UFL1: variants seen among roughly 807,000 people sequenced by gnomAD.
UFL1 encodes the protein E3 UFM1-protein ligase 1.
A neutral mutation model predicts 99.3 loss-of-function variants in UFL1; 78 were observed. That is an observed-to-expected ratio of 0.79 (90% confidence interval 0.65 to 0.95). The LOEUF is 0.95. Among genes scored for constraint, UFL1 ranks in the 40% least tolerant of loss-of-function variants. UFL1 has a pLI of 0.00. For missense variants in UFL1, 936 were observed against 937.0 expected (o/e 1.00, Z 0.01); for synonymous variants, 335 against 322.2 (o/e 1.04, Z -0.42).
chr6:96,522,105 GT>G (rs1402849546), intron 1 of UFL1, among the ~76,000 whole-genome samples, 155 bp downstream of exon 1: 2 of 152,286 alleles, frequency 1.3e-5, no homozygotes, highest in African/African-American at 4.8e-5. Context: ...CTGGATCGCA[GT>G]TCCAAGTCCA....
At chr6:96,524,008 T>G (rs1769664670) in intron 2 of UFL1, among the ~76,000 whole-genome samples, 1 of 152,122 alleles carries the variant, frequency 6.6e-6, no homozygotes, top group Non-Finnish European at 1.5e-5. Flanking sequence ...AGCCTACCTT[T>G]TAGTATCAAA....
Position 96,553,290 on chromosome 6 carries a change from G to C in UFL1, c.2172G>C (p.Gln724His). Residue 724 changes from glutamine (Q) to histidine (H), a missense_variant, in exon 19 of 19, where the codon CAG (glutamine) becomes CAC (histidine). Physicochemically the swap from Gln to His is conservative, Grantham distance 24. Coordinates refer to ENST00000369278, the MANE Select transcript of UFL1 (RefSeq NM_015323.5). ...TTTTCTTTCCCTTTTCACAGGATCA[G>C]CATGCTCTTTTGGTAAAGTATCAAG... ...AFLNSKIPED[Q>H]HALLVKYQGL... The C allele has an allele frequency of 7.4e-6, 12 of 1,612,934 alleles. No individual in the cohort carries two copies. The highest frequency in any genetic ancestry group is 9.3e-6 in the Non-Finnish European group (11 of 1,179,464).
At chr6:96,540,428 C>G in intron 10 of UFL1, 107 bp from the exon 11 acceptor site, 1 of 1,375,828 alleles carries the variant, frequency 7.3e-7, no homozygotes, top group Non-Finnish European at 9.7e-7. Context: ...CTCTATAGTT[C>G]TAAGCAACAA....
At chr6:96,545,404 C>G (rs971368428) in intron 12 of UFL1, among the ~76,000 whole-genome samples, 2 of 150,884 alleles carry the variant, frequency 1.3e-5, no homozygotes, top group African/African-American at 4.8e-5. Flanking sequence ...TAGCTGCATA[C>G]AAACTTTCCT....
In UFL1 at chr6:96,553,692, GGGTTCTT is replaced by G; in HGVS notation, c.*190_*196del. The G allele has an allele frequency of 2.3e-6, 1 of 429,320 alleles. No individual in the cohort carries two copies. 26.6% of individuals were successfully genotyped at this position (429,320 alleles called of 1,614,324 possible). A position where few individuals can be genotyped will look rare whatever the true frequency, so the allele number is the denominator to read the frequency against. On this transcript the variant is annotated 3_prime_UTR_variant, in exon 19 of 19. Coordinates refer to ENST00000369278, the MANE Select transcript of UFL1 (RefSeq NM_015323.5). ...AAAAAGATGTGAATTTTTGTAAATT[GGGTTCTT>G]CATGGAAGTTTTTTTCCACCTGATT...
rs1378510737 is a variant in UFL1, at chr6:96,551,906, A to C, written c.1968A>C (p.Gly656=). The change falls in exon 17 of 19, where the codon GGA becomes GGC. Residue 656 remains glycine (G), a synonymous_variant. Transcript: ENST00000369278. ...AEACDIMVKR[G]DKKRERQILF... is the part of the protein sequence containing the mutation. The stretch of plus-strand genomic sequence containing the variant: ...CTTGTGATATTATGGTGAAAAGGGG[A>C]GACAAAAAAAGGGAAAGGTAACATT... 2 of 1,604,780 alleles carry C rather than the reference A, an allele frequency of 1.2e-6. No homozygotes were observed. Among genetic ancestry groups the C allele is most frequent in the South Asian group, 2.2e-5 (2 of 89,984 alleles).
chr6:96,551,368 C>G lies in UFL1; in HGVS notation c.1819-65C>G, dbSNP rs1046762289. 10 of 859,512 alleles carry G rather than the reference C, an allele frequency of 1.2e-5. No homozygotes were observed. The African/African-American group carries it at 1.6e-4, about 14-fold the overall frequency. 53.2% of individuals were successfully genotyped at this position (859,512 alleles called of 1,614,324 possible). On this transcript the variant is annotated intron_variant, in intron 15 of 18. Transcript: ENST00000369278. ...GGAACTTGTTACAGTATTTTTTTCA[C>G]TTTATCTTATATCCATTGCATGTCA...
chr6:96,543,952 C>T (rs1769965616), intron 12 of UFL1, among the ~76,000 whole-genome samples: 1 of 151,006 alleles, frequency 6.6e-6, no homozygotes, highest in Non-Finnish European at 1.5e-5. Context: ...TTTTCCTATA[C>T]ATTTATAACC....
chr6:96,536,379 A>G lies in UFL1; in HGVS notation c.791A>G (p.Asn264Ser). 6.2e-7 allele frequency: 1 copy of G among 1,601,804 alleles called. No homozygotes were observed. The highest frequency in any genetic ancestry group is 8.5e-7 in the Non-Finnish European group (1 of 1,172,282). The change falls in exon 8 of 19, where the codon AAT becomes AGT. Residue 264 changes from asparagine (N) to serine (S), a missense_variant. Physicochemically the swap from Asn to Ser is conservative, Grantham distance 46. Coordinates refer to ENST00000369278, the MANE Select transcript of UFL1 (RefSeq NM_015323.5). ...STWVDSFFRQ[N>S]GYLEFDALSR... ...TGGGTGGATTCCTTTTTCAGGCAGAATGGCTATCTAGGTAACTTTCTTATT... is the reference window on the plus strand; with the variant it reads ...TGGGTGGATTCCTTTTTCAGGCAGAGTGGCTATCTAGGTAACTTTCTTATT...
At chr6:96,540,781 A>G (rs1255686196) in intron 11 of UFL1, 126 bp downstream of exon 11, 3 of 1,117,592 alleles carry the variant, frequency 2.7e-6, no homozygotes, top group Non-Finnish European at 3.7e-6. Context: ...AACAGCTAAT[A>G]TCAACCAAAT....
chr6:96,528,395 A>G (rs1769732389), intron 5 of UFL1, 107 bp from the exon 6 acceptor site: 1 of 1,322,912 alleles, frequency 7.6e-7, no homozygotes, highest in East Asian at 2.5e-5. Context: ...CTTCTCAATC[A>G]CATGACTGAT....
chr6:96,546,874 G>A (rs1770008470), intron 12 of UFL1, among the ~76,000 whole-genome samples: 1 of 151,406 alleles, frequency 6.6e-6, no homozygotes, highest in Non-Finnish European at 1.5e-5. Flanking sequence ...TGTAAGACAT[G>A]AAACTGTAAA....
intron 6 of UFL1, among the ~76,000 whole-genome samples, chr6:96,530,365 CTA>C (rs1348014648): frequency 2.0e-5 from 3 of 152,130 alleles, no homozygotes; most frequent in African/African-American, 7.2e-5. Context: ...AGAAATAACA[CTA>C]TATTCTTGTT....
intron 2 of UFL1, among the ~76,000 whole-genome samples, chr6:96,524,057 T>G (rs1449417323): frequency 1.3e-5 from 2 of 152,060 alleles, no homozygotes; most frequent in Non-Finnish European, 2.9e-5. Flanking sequence ...GTTGTCAATA[T>G]CTCTTTGATC....
chr6:96,537,265 G>T (rs1326846989), intron 8 of UFL1, 109 bp from the exon 9 acceptor site: 12 of 872,692 alleles, frequency 1.4e-5, no homozygotes, highest in Non-Finnish European at 3.3e-6. Flanking sequence ...GAGTTAAGAA[G>T]GTAGACATCT....
intron 6 of UFL1, 51 bp downstream of exon 6, chr6:96,528,683 T>C: frequency 6.6e-7 from 1 of 1,523,890 alleles, no homozygotes; most frequent in Admixed American, 2.0e-5. Context: ...GATCATGGTT[T>C]GCATTTTTTT....
intron 6 of UFL1, among the ~76,000 whole-genome samples, chr6:96,532,745 C>G (rs948156443): frequency 2.0e-5 from 3 of 152,170 alleles, no homozygotes; most frequent in African/African-American, 7.2e-5. Flanking sequence ...CAATCTTGAA[C>G]TTTCCAGTCA....
Position 96,552,680 on chromosome 6 carries a change from C to T in UFL1, c.2166+18C>T. ...TTCCAGAGGTATTACATTTTCAATA[C>T]ACTTGAAACTTTCAAAGATTTACAT... On this transcript the variant is annotated intron_variant, in intron 18 of 18. Coordinates refer to ENST00000369278, the MANE Select transcript of UFL1 (RefSeq NM_015323.5). 6.4e-7 allele frequency: 1 copy of T among 1,569,692 alleles called. No homozygotes were observed. Among genetic ancestry groups the T allele is most frequent in the Non-Finnish European group, 8.6e-7 (1 of 1,163,124 alleles).
intron 11 of UFL1, among the ~76,000 whole-genome samples, chr6:96,542,537 G>A (rs1371002515): frequency 1.3e-5 from 2 of 151,276 alleles, no homozygotes; most frequent in Non-Finnish European, 3.0e-5. Context: ...AGCAAAGGAG[G>A]ACACATTTCT....
Sources: gnomAD v4.1 joint callset for allele counts (sites outside exome capture counted in the v4.1 genomes callset) on GRCh38, gnomAD v4.1.1 for gene constraint, MANE v1.5 for transcripts, NCBI Gene and HGNC (gene_info 2026-07-23, HGNC 2026-07-21) for gene names.